The following NRTN variants were observed in gnomAD, a reference collection of about 807,000 sequenced individuals.
NRTN encodes the protein neurturin, also known as prepro-neurturin.
In NRTN, 3 loss-of-function variants were observed where a neutral mutation model predicts 7.5. That is an observed-to-expected ratio of 0.40 (90% CI 0.18 to 1.03). The LOEUF (loss-of-function observed/expected upper bound fraction) is 1.03, where lower values mean the gene tolerates loss of function less well. Among genes scored for constraint, NRTN ranks in the 50% least tolerant of loss-of-function variants. The probability of loss-of-function intolerance (pLI) is 0.34; values close to 1 mark genes in which losing one functional copy is unlikely to be tolerated. For synonymous variants in NRTN, 157 were observed against 146.6 expected (o/e 1.07, Z -0.51); for missense variants, 310 against 307.0 (o/e 1.01, Z -0.07).
At chr19:5,827,355 G>C (rs2057050297) in intron 2 of NRTN, among the ~76,000 whole-genome samples, 3 of 152,060 alleles carry the variant, frequency 2.0e-5, no homozygotes, top group Non-Finnish European at 4.4e-5. Flanking sequence ...TGGAGGACGA[G>C]GAGAATGGAG....
At chr19:5,817,692 T>C (rs2057010310) in intron 1 of NRTN, among the ~76,000 whole-genome samples, 1 of 152,088 alleles carries the variant, frequency 6.6e-6, no homozygotes, top group South Asian at 2.1e-4. Flanking sequence ...TGATTGTGTT[T>C]CAATGCGTGT....
At chr19:5,825,019 G>A (rs570618112) in intron 2 of NRTN, among the ~76,000 whole-genome samples, 1 of 152,048 alleles carries the variant, frequency 6.6e-6, no homozygotes, top group Non-Finnish European at 1.5e-5. Context: ...GGAGGAGAGA[G>A]AGGCTGGATC....
chr19:5,827,548 C>T (rs942578823), intron 2 of NRTN, among the ~76,000 whole-genome samples: 12 of 152,064 alleles, frequency 7.9e-5, no homozygotes, highest in Non-Finnish European at 1.6e-4. Flanking sequence ...TGTACGTGCC[C>T]CCCAGTGCCG....
intron 1 of NRTN, among the ~76,000 whole-genome samples, chr19:5,811,572 G>A (rs751321007): frequency 3.9e-5 from 6 of 152,134 alleles, no homozygotes; most frequent in South Asian, 4.1e-4. Flanking sequence ...TCGCCCTGTC[G>A]CCTAGGCTGG....
rs1311520797 is a variant in NRTN, at chr19:5,805,393, T to TGGGGCA, written c.-451_-446dup. ...CGGCCCGGATGGCGGTCGCGGCGGC[T>TGGGGCA]GGGGCAGGGGCTGGGGCCGCGCGGC... On this transcript the variant is annotated 5_prime_UTR_variant, in exon 1 of 3. Coordinates refer to ENST00000303212, the MANE Select transcript of NRTN (RefSeq NM_004558.5). 9.0e-5 allele frequency among the ~76,000 whole-genome samples: 2 copies of TGGGGCA among 22,266 alleles called. No individual in the cohort carries two copies. Among genetic ancestry groups the TGGGGCA allele is most frequent in the African/African-American group, 4.0e-4 (2 of 5,028 alleles). The allele number at this position is 22,266 out of a possible 152,430, so 14.6% of individuals were successfully genotyped here.
intron 1 of NRTN, among the ~76,000 whole-genome samples, chr19:5,808,348 C>G (rs2144754971): frequency 6.6e-6 from 1 of 152,358 alleles, no homozygotes; most frequent in East Asian, 1.9e-4. Flanking sequence ...GGGGACCCCC[C>G]TCCTGCCAGC....
intron 1 of NRTN, among the ~76,000 whole-genome samples, chr19:5,820,738 GAAAAAAAAAA>G (rs869276836): frequency 6.9e-4 from 27 of 39,102 alleles, no homozygotes; most frequent in African/African-American, 1.6e-3. Flanking sequence ...TCTGTCTCAA[GAAAAAAAAAA>G]AAAAAAAAAA....
At position 5,827,946 on chromosome 19, in the gene NRTN, G is replaced by C. The variant is rs746560583; in HGVS notation, c.367G>C (p.Glu123Gln). The C allele has an allele frequency of 1.3e-6, 2 of 1,486,146 alleles. No individual in the cohort carries two copies. The highest frequency in any genetic ancestry group is 1.8e-6 in the Non-Finnish European group (2 of 1,123,714). 92.1% of individuals were successfully genotyped at this position (1,486,146 alleles called of 1,614,324 possible). ...GCTGGGCCTGGGCTACGCGTCCGAC[G>C]AGACGGTGCTGTTCCGCTACTGCGC... ...SELGLGYASD[E>Q]TVLFRYCAGA... Residue 123 changes from glutamate (E) to glutamine (Q), a missense_variant, in exon 3 of 3, where the codon GAG becomes CAG. Coordinates refer to ENST00000303212, the MANE Select transcript of NRTN (RefSeq NM_004558.5).
chr19:5,808,105 T>G (rs1289471150), intron 1 of NRTN, among the ~76,000 whole-genome samples: 1 of 152,100 alleles, frequency 6.6e-6, no homozygotes, highest in East Asian at 1.9e-4. Context: ...ACAAGATGAT[T>G]GAGCTGACCT....
rs753619833 is a variant in NRTN at position 5,827,885 on chromosome 19, T to C, written c.306T>C (p.Pro102=). The C allele has an allele frequency of 4.1e-5, 56 of 1,372,286 alleles. No homozygotes were observed. The highest frequency in any genetic ancestry group is 5.1e-5 in the Non-Finnish European group (54 of 1,058,538). The allele number at this position is 1,372,286 out of a possible 1,614,324, so 85.0% of individuals were successfully genotyped here. ...RRARARLGAR[P]CGLRELEVRV... is the part of the protein sequence containing the mutation. ...CGCGTGCGCGGTTGGGGGCGCGGCC[T>C]TGCGGGCTGCGCGAGCTGGAGGTGC... Residue 102 remains proline (P), a synonymous_variant, in exon 3 of 3, where the codon CCT becomes CCC. Transcript: ENST00000303212.
At chr19:5,810,681 C>T (rs1351577944) in intron 1 of NRTN, among the ~76,000 whole-genome samples, 1 of 152,066 alleles carries the variant, frequency 6.6e-6, no homozygotes, top group Non-Finnish European at 1.5e-5. Flanking sequence ...TGCCTGTAAT[C>T]CCAGCACTTT....
chr19:5,815,050 G>A (rs1030962007), intron 1 of NRTN, among the ~76,000 whole-genome samples: 2 of 152,218 alleles, frequency 1.3e-5, no homozygotes, highest in South Asian at 2.1e-4. Context: ...TGAGTCCCCC[G>A]GCCCCATCTG....
chr19:5,828,306 A>C lies in NRTN; in HGVS notation c.*133A>C, dbSNP rs963392496. 5.8e-6 allele frequency: 6 copies of C among 1,036,498 alleles called. No individual in the cohort carries two copies. Among genetic ancestry groups the C allele is most frequent in the African/African-American group, 1.7e-5 (1 of 59,232 alleles). The allele number at this position is 1,036,498 out of a possible 1,614,324, so 64.2% of individuals were successfully genotyped here. Reference sequence around the variant, plus strand: ...GGACTCTCGCGATAACTGTACTGAGATAAAGTGTGGCAACTCGAGCTGGCT... The same window carrying C: ...GGACTCTCGCGATAACTGTACTGAGCTAAAGTGTGGCAACTCGAGCTGGCT... On this transcript the variant is annotated 3_prime_UTR_variant, in exon 3 of 3. Transcript: ENST00000303212.
intron 1 of NRTN, among the ~76,000 whole-genome samples, chr19:5,814,705 G>A (rs1284498535): frequency 6.6e-6 from 1 of 152,210 alleles, no homozygotes; most frequent in Non-Finnish European, 1.5e-5. Flanking sequence ...GGCCTGCCTA[G>A]CTGTGTGACG....
intron 1 of NRTN, among the ~76,000 whole-genome samples, chr19:5,807,712 C>T (rs1301694444): frequency 6.6e-6 from 1 of 152,226 alleles, no homozygotes; most frequent in African/African-American, 2.4e-5. Flanking sequence ...GAAACTAAGG[C>T]CCAGAGAGAG....
rs2057035041 is a variant in NRTN at position 5,823,859 on chromosome 19, G to A, written c.-307G>A. On this transcript the variant is annotated 5_prime_UTR_variant, in exon 2 of 3. Coordinates refer to ENST00000303212, the MANE Select transcript of NRTN (RefSeq NM_004558.5). ...TGCACTGGCTGTGTCCCCTGCCTGT[G>A]ATGCCATTCTCCTCTGCCTGGCCAA... The A allele has an allele frequency of 1.9e-6, 1 of 514,284 alleles. No individual in the cohort carries two copies. Among genetic ancestry groups the A allele is most frequent in the South Asian group, 2.1e-5 (1 of 47,450 alleles). The allele number at this position is 514,284 out of a possible 1,614,324, so 31.9% of individuals were successfully genotyped here. A position where few individuals can be genotyped will look rare whatever the true frequency, so the allele number is the denominator to read the frequency against.
intron 1 of NRTN, among the ~76,000 whole-genome samples, chr19:5,817,630 A>AAGGC (rs111430527): frequency 1.3e-4 from 15 of 112,040 alleles, no homozygotes; most frequent in South Asian, 3.0e-4. Context: ...GAAAAAGAAG[A>AAGGC]AGGCAGGCAG....
chr19:5,810,003 T>C (rs560160140), intron 1 of NRTN, among the ~76,000 whole-genome samples: 1 of 151,312 alleles, frequency 6.6e-6, no homozygotes, highest in Non-Finnish European at 1.5e-5. Context: ...TGGTGGCTCA[T>C]GCCTATAATC....
At position 5,828,282 on chromosome 19, in the gene NRTN, G is replaced by C. The variant is rs116386264; in HGVS notation, c.*109G>C. On this transcript the variant is annotated 3_prime_UTR_variant, in exon 3 of 3. Coordinates refer to ENST00000303212, the MANE Select transcript of NRTN (RefSeq NM_004558.5). ...GTAGAGCACGCCGGCGCGGCCCCGG[G>C]ACTCTCGCGATAACTGTACTGAGAT... The C allele has an allele frequency of 3.5e-3, 4,291 of 1,239,376 alleles. 127 individuals are homozygous for C. In the African/African-American group the frequency reaches 0.06, roughly 17 times the overall value. 76.8% of individuals were successfully genotyped at this position (1,239,376 alleles called of 1,614,324 possible). A position where few individuals can be genotyped will look rare whatever the true frequency, so the allele number is the denominator to read the frequency against.
Sources: allele counts gnomAD v4.1 joint callset (sites outside exome capture counted in the v4.1 genomes callset), GRCh38; gene constraint gnomAD v4.1.1; transcripts MANE v1.5; gene names NCBI Gene and HGNC (gene_info 2026-07-23, HGNC 2026-07-21).